TMEM232: variants seen among roughly 807,000 people sequenced by gnomAD.
The protein encoded by TMEM232 is transmembrane protein 232.
TMEM232 carries 80 observed loss-of-function variants against 78.8 expected under a neutral mutation model. The observed-to-expected ratio is 1.01, with a 90% CI of 0.85 to 1.22. TMEM232 has a LOEUF of 1.22. Among genes scored for constraint, TMEM232 ranks in the 50% most tolerant of loss-of-function variants. The pLI is 0.00. For synonymous variants in TMEM232, 297 were observed against 254.3 expected (o/e 1.17, Z -1.60); for missense variants, 881 against 742.2 (o/e 1.19, Z -2.17).
chr5:110,467,269 CATTTA>C (rs2149366693), intron 12 of TMEM232, among the ~76,000 whole-genome samples: 1 of 152,248 alleles, frequency 6.6e-6, no homozygotes, highest in Non-Finnish European at 1.5e-5. Context: ...TACTTTTCTC[CATTTA>C]ATTTGTCAGT....
chr5:110,567,616 T>C (rs950608146), intron 11 of TMEM232, among the ~76,000 whole-genome samples: 3 of 151,928 alleles, frequency 2.0e-5, no homozygotes, highest in African/African-American at 2.4e-5. Flanking sequence ...TTTACAAATA[T>C]AGTAGTCAAG....
At chr5:110,608,678 C>T (rs1460964270) in intron 8 of TMEM232, among the ~76,000 whole-genome samples, 2 of 152,002 alleles carry the variant, frequency 1.3e-5, no homozygotes, top group African/African-American at 4.8e-5. Flanking sequence ...ATTAATGCTG[C>T]TGATCACAAA....
At chr5:110,637,590 A>ATATATAT (rs552075353) in intron 5 of TMEM232, among the ~76,000 whole-genome samples, 23 of 151,836 alleles carry the variant, frequency 1.5e-4, no homozygotes, top group African/African-American at 5.3e-4. Flanking sequence ...TATATATATA[A>ATATATAT]AAAACCATCT....
intron 2 of TMEM232, among the ~76,000 whole-genome samples, chr5:110,410,928 A>C (rs1220975524): frequency 6.6e-6 from 1 of 152,106 alleles, no homozygotes; most frequent in African/African-American, 2.4e-5. Flanking sequence ...TGATGTGTGT[A>C]GGTACTATTT....
chr5:110,678,471 A>G (rs918735756), intron 1 of TMEM232, among the ~76,000 whole-genome samples: 1 of 152,132 alleles, frequency 6.6e-6, no homozygotes, highest in Non-Finnish European at 1.5e-5. Flanking sequence ...CCTATTATCA[A>G]CATCTGGACC....
chr5:110,694,104 T>C (rs915090688), intron 1 of TMEM232, among the ~76,000 whole-genome samples: 2 of 151,852 alleles, frequency 1.3e-5, no homozygotes, highest in Admixed American at 1.3e-4. Flanking sequence ...ACAGCGGATC[T>C]CTCGGCAGAA....
At chr5:110,556,170 A>C (rs1213007200) in intron 11 of TMEM232, among the ~76,000 whole-genome samples, 1 of 152,096 alleles carries the variant, frequency 6.6e-6, no homozygotes, top group Non-Finnish European at 1.5e-5. Context: ...CTTGTAAGGC[A>C]GGTCTGGTGG....
intron 2 of TMEM232, among the ~76,000 whole-genome samples, chr5:110,645,348 A>G (rs1408546113): frequency 2.0e-5 from 3 of 151,540 alleles, no homozygotes; most frequent in Non-Finnish European, 3.0e-5. Flanking sequence ...CAAAGCAAAT[A>G]TAATAACACA....
chr5:110,469,258 G>C (rs1049180721), intron 12 of TMEM232, among the ~76,000 whole-genome samples: 2 of 152,154 alleles, frequency 1.3e-5, no homozygotes, highest in African/African-American at 4.8e-5. Context: ...CATGTGTCTT[G>C]CTACAGATTG....
intron 10 of TMEM232, among the ~76,000 whole-genome samples, chr5:110,576,463 A>T (rs1057116117): frequency 6.6e-6 from 1 of 152,136 alleles, no homozygotes; most frequent in Non-Finnish European, 1.5e-5. Flanking sequence ...TACTGCCTAA[A>T]GCAATTTATA....
intron 2 of TMEM232, among the ~76,000 whole-genome samples, chr5:110,645,271 A>G (rs544153282): frequency 6.6e-6 from 1 of 151,820 alleles, no homozygotes; most frequent in South Asian, 2.1e-4. Flanking sequence ...AGACACTAGG[A>G]GTAAAGAAAA....
chr5:110,561,956 T>C (rs1190624881), intron 11 of TMEM232, among the ~76,000 whole-genome samples: 4 of 152,110 alleles, frequency 2.6e-5, no homozygotes, highest in Non-Finnish European at 5.9e-5. Context: ...CATTGCCTAT[T>C]ATCTAAATCA....
chr5:110,654,701 A>T (rs371494643), intron 2 of TMEM232, among the ~76,000 whole-genome samples: 3 of 152,104 alleles, frequency 2.0e-5, no homozygotes, highest in Non-Finnish European at 2.9e-5. Flanking sequence ...ATTGGTAGCT[A>T]GATGGGGATG....
At chr5:110,592,989 G>A (rs1042196044) in intron 10 of TMEM232, among the ~76,000 whole-genome samples, 1 of 152,074 alleles carries the variant, frequency 6.6e-6, no homozygotes, top group Non-Finnish European at 1.5e-5. Flanking sequence ...AGCTCATCTA[G>A]GAACACAGGT....
At chr5:110,656,851 GA>G (rs950350045) in intron 2 of TMEM232, among the ~76,000 whole-genome samples, 6 of 149,068 alleles carry the variant, frequency 4.0e-5, no homozygotes, top group African/African-American at 7.4e-5. Context: ...AAAAAAAAAA[GA>G]AAAAAAAGAA....
intron 1 of TMEM232, among the ~76,000 whole-genome samples, chr5:110,712,406 T>A (rs1488216775): frequency 6.6e-6 from 1 of 151,726 alleles, no homozygotes; most frequent in Admixed American, 6.6e-5. Flanking sequence ...GGAAAAAAAA[T>A]CTAATAATCT....
chr5:110,538,121 T>C (rs1420208432), intron 11 of TMEM232, among the ~76,000 whole-genome samples: 2 of 152,270 alleles, frequency 1.3e-5, no homozygotes, highest in Admixed American at 1.3e-4. Context: ...AGGCAGTAAA[T>C]AATGTAAATT....
chr5:110,538,215 C>T (rs1772642744), intron 11 of TMEM232, among the ~76,000 whole-genome samples: 1 of 152,188 alleles, frequency 6.6e-6, no homozygotes, highest in South Asian at 2.1e-4. Context: ...ATATACTACT[C>T]TGGACTCTTC....
At chr5:110,673,878 T>A (rs377598468) in intron 1 of TMEM232, among the ~76,000 whole-genome samples, 1 of 152,096 alleles carries the variant, frequency 6.6e-6, no homozygotes, top group East Asian at 1.9e-4. Context: ...TTTGCCAGTT[T>A]ATACATTTTA....
Sources: gnomAD v4.1 joint callset for allele counts (sites outside exome capture counted in the v4.1 genomes callset) on GRCh38, gnomAD v4.1.1 for gene constraint, MANE v1.5 for transcripts, NCBI Gene and HGNC (gene_info 2026-07-23, HGNC 2026-07-21) for gene names.